The following SCAI variants were observed in gnomAD, a reference collection of about 807,000 sequenced individuals.
The protein encoded by SCAI is protein SCAI.
A neutral mutation model predicts 92.2 loss-of-function variants in SCAI; 24 were observed. That is an observed-to-expected ratio of 0.26 (90% CI 0.19 to 0.37). The LOEUF is 0.37. Among genes scored for constraint, SCAI ranks in the 10% least tolerant of loss-of-function variants. The pLI is 1.00. For missense variants in SCAI, 450 were observed against 736.2 expected (o/e 0.61, Z 4.50); for synonymous variants, 261 against 258.6 (o/e 1.01, Z -0.09).
At chr9:125,120,389 G>A (rs1445815275) in intron 2 of SCAI, among the ~76,000 whole-genome samples, 1 of 152,112 alleles carries the variant, frequency 6.6e-6, no homozygotes, top group African/African-American at 2.4e-5. Context: ...AGAGTCAAAT[G>A]ATAAAGAAAA....
intron 2 of SCAI, among the ~76,000 whole-genome samples, chr9:125,128,912 A>C: frequency 6.6e-6 from 1 of 151,500 alleles, no homozygotes; most frequent in Admixed American, 6.6e-5. Context: ...AAAATATAAA[A>C]ATTTGCTGGG....
At chr9:125,004,762 TATATATATATATATA>T (rs1564374664) in intron 9 of SCAI, among the ~76,000 whole-genome samples, 19 of 9,206 alleles carry the variant, frequency 2.1e-3, no homozygotes, top group African/African-American at 3.7e-3. Context: ...TATATATATA[TATATATATATATATA>T]TATTTTTTTT....
intron 2 of SCAI, among the ~76,000 whole-genome samples, chr9:125,094,283 T>G (rs941146581): frequency 6.6e-6 from 1 of 152,110 alleles, no homozygotes; most frequent in African/African-American, 2.4e-5. Flanking sequence ...ATCCTACTAT[T>G]CTCATTCATT....
chr9:124,953,005 T>G, intron 17 of SCAI, 52 bp from the exon 18 acceptor site: 1 of 1,433,954 alleles, frequency 7.0e-7, no homozygotes, highest in Non-Finnish European at 9.8e-7. Context: ...TGAAAGAAAA[T>G]TATACACATT....
chr9:125,065,926 C>T lies in SCAI; in HGVS notation c.99-9919G>A, dbSNP rs569985917. 32 of 726,216 alleles carry T rather than the reference C, an allele frequency of 4.4e-5. No individual in the cohort carries two copies. In the African/African-American group the frequency reaches 5.5e-4, roughly 13 times the overall value. 45.0% of individuals were successfully genotyped at this position (726,216 alleles called of 1,614,324 possible). On this transcript the variant is annotated intron_variant, in intron 2 of 17. Coordinates refer to ENST00000336505, the MANE Select transcript of SCAI (RefSeq NM_001144877.3). The stretch of plus-strand genomic sequence containing the variant: ...AGAAACCAACTCAGCAAACTAGGAA[C>T]AGAAAGGGAGCTTCATTAATTTTAT...
At chr9:125,135,157 C>T (rs934979581) in intron 2 of SCAI, among the ~76,000 whole-genome samples, 2 of 152,114 alleles carry the variant, frequency 1.3e-5, no homozygotes, top group South Asian at 2.1e-4. Context: ...CAAAGATGAA[C>T]TATGATAAGG....
chr9:125,071,992 A>G (rs1436508300), intron 2 of SCAI, among the ~76,000 whole-genome samples: 1 of 152,012 alleles, frequency 6.6e-6, no homozygotes, highest in Admixed American at 6.6e-5. Flanking sequence ...AGAAGGGAAA[A>G]CTAAAGAGGG....
At position 124,978,891 on chromosome 9, in the gene SCAI, C is replaced by T. The variant is rs1290921946; in HGVS notation, c.1327-2705G>A. On this transcript the variant is annotated intron_variant, in intron 14 of 17. Transcript: ENST00000336505. Reference sequence around the variant, plus strand: ...TTTTCTTTTTTTTTTGAAACAGTTTCGCTCTGTCGCCCAGGCTGGAGTGCA... The same window carrying T: ...TTTTCTTTTTTTTTTGAAACAGTTTTGCTCTGTCGCCCAGGCTGGAGTGCA... Among the ~76,000 whole-genome samples, 3 of 151,370 alleles carry T rather than the reference C, an allele frequency of 2.0e-5. No individual in the cohort carries two copies. The East Asian group carries it at 5.8e-4, about 29-fold the overall frequency.
intron 2 of SCAI, among the ~76,000 whole-genome samples, chr9:125,068,013 T>C (rs1833906273): frequency 6.6e-6 from 1 of 152,190 alleles, no homozygotes; most frequent in East Asian, 1.9e-4. Flanking sequence ...CTGAAAGAAA[T>C]CTTGAGAGAA....
intron 11 of SCAI, 27 bp from the exon 12 acceptor site, chr9:125,002,070 A>C: frequency 1.4e-6 from 2 of 1,461,788 alleles, no homozygotes; most frequent in Admixed American, 3.3e-5. Context: ...TCACATACAC[A>C]AAACAACAAA....
intron 2 of SCAI, among the ~76,000 whole-genome samples, chr9:125,130,518 C>CA (rs1835375885): frequency 6.7e-6 from 1 of 148,910 alleles, no homozygotes; most frequent in South Asian, 2.1e-4. Flanking sequence ...CTGAAAACCT[C>CA]TTTTTTTTTT....
Position 124,987,730 on chromosome 9 carries a change from G to C in SCAI, c.1326+7204C>G, listed in dbSNP as rs563310516. On this transcript the variant is annotated intron_variant, in intron 14 of 17. Transcript: ENST00000336505. ...TAATCCCAACACTTTGGGAGGCCGA[G>C]CTGAGTGGATCACTTGAGGTCGGGA... Among the ~76,000 whole-genome samples the C allele has an allele frequency of 3.3e-5, 5 of 152,262 alleles. No individual in the cohort carries two copies. The South Asian group carries it at 1.0e-3, about 32-fold the overall frequency.
Position 125,002,005 on chromosome 9 carries a change from C to A in SCAI, c.1104G>T (p.Ser368=), listed in dbSNP as rs778300103. The A allele has an allele frequency of 2.0e-5, 33 of 1,613,512 alleles. No homozygotes were observed. The Middle Eastern group carries it at 4.9e-4, about 24-fold the overall frequency. The stretch of plus-strand genomic sequence containing the variant: ...GACCTGTGGGGAAAACGCCAGTGGC[C>A]GACAGGTAAATCAGAAGCACGCTAT... ...PANSVLLIYL[S]ATGVFPTGRS... The change falls in exon 12 of 18, where the codon TCG becomes TCT. Residue 368 remains serine (S), a synonymous_variant. Coordinates refer to ENST00000336505, the MANE Select transcript of SCAI (RefSeq NM_001144877.3).
rs764858681 is a variant in SCAI, at chr9:125,073,092, ATTTTTTTTT to A, written c.99-17094_99-17086del. ...GGATCATATGAGGATTCTATTTTTA[ATTTTTTTTT>A]TTTTTTTTTTTTTTTTTTTTTGAGA... On this transcript the variant is annotated intron_variant, in intron 2 of 17. Coordinates refer to ENST00000336505, the MANE Select transcript of SCAI (RefSeq NM_001144877.3). Among the ~76,000 whole-genome samples the A allele has an allele frequency of 6.9e-5, 5 of 72,448 alleles. No individual in the cohort carries two copies. In the East Asian group the frequency reaches 1.4e-3, roughly 20 times the overall value. 47.5% of individuals were successfully genotyped at this position (72,448 alleles called of 152,430 possible).
chr9:124,997,420 C>G (rs1832261623), intron 13 of SCAI, among the ~76,000 whole-genome samples: 1 of 152,156 alleles, frequency 6.6e-6, no homozygotes. Flanking sequence ...AAACCCGAAA[C>G]ACTTTTGGTC....
intron 9 of SCAI, among the ~76,000 whole-genome samples, chr9:125,016,043 G>C (rs1042141871): frequency 9.9e-5 from 10 of 101,436 alleles, no homozygotes; most frequent in African/African-American, 3.8e-4. Context: ...GGCGGGGGGA[G>C]GGGGGAGGGA....
At chr9:125,129,889 T>C (rs905849045) in intron 2 of SCAI, among the ~76,000 whole-genome samples, 1 of 151,622 alleles carries the variant, frequency 6.6e-6, no homozygotes, top group African/African-American at 2.4e-5. Flanking sequence ...TATGCTGCAG[T>C]TTTTCTTTTC....
intron 14 of SCAI, among the ~76,000 whole-genome samples, chr9:124,983,045 G>A (rs1385062120): frequency 2.0e-5 from 3 of 151,734 alleles, no homozygotes; most frequent in East Asian, 1.9e-4. Context: ...CCTAGTACTC[G>A]GGAGGCTGAC....
At chr9:125,060,844 CTAA>C (rs1363676234) in intron 2 of SCAI, among the ~76,000 whole-genome samples, 1 of 152,164 alleles carries the variant, frequency 6.6e-6, no homozygotes, top group Non-Finnish European at 1.5e-5. Context: ...TGAAAATGGA[CTAA>C]TACAGCTAGG....
Sources: gnomAD v4.1 joint callset for allele counts (sites outside exome capture counted in the v4.1 genomes callset) on GRCh38, gnomAD v4.1.1 for gene constraint, MANE v1.5 for transcripts, NCBI Gene and HGNC (gene_info 2026-07-23, HGNC 2026-07-21) for gene names.